The following ITGA11 variants were observed in gnomAD, a reference collection of about 807,000 sequenced individuals.
ITGA11 encodes integrin subunit alpha 11.
ITGA11 carries 97 observed loss-of-function variants against 141.9 expected under a neutral mutation model. The observed-to-expected ratio is 0.68, with a 90% CI of 0.58 to 0.81. The LOEUF (loss-of-function observed/expected upper bound fraction) is 0.81. Ranked by LOEUF, ITGA11 falls within the 30% of genes least tolerant of loss-of-function variation. The pLI is 0.00. For missense variants in ITGA11, 1,387 were observed against 1,559.2 expected, an observed-to-expected ratio of 0.89 and a Z score of 1.86; for synonymous variants, 658 against 624.6, an observed-to-expected ratio of 1.05 and a Z score of -0.80.
rs1892929922 is a variant in ITGA11 at position 68,297,321 on chromosome 15, T to C, written c.*5738A>G. ...GTGGCTAACTTTTTTCATTATTACG[T>C]GTTTATTTTTCCAGATGAAGTTTGG... is the stretch of plus-strand genomic sequence containing the variant. On this transcript the variant is annotated 3_prime_UTR_variant, in exon 30 of 30. Coordinates refer to ENST00000315757, the MANE Select transcript of ITGA11 (RefSeq NM_001004439.2). 6.6e-6 allele frequency: 1 copy of C among 152,076 alleles called. No homozygotes were observed. The highest frequency in any genetic ancestry group is 1.9e-4 in the East Asian group (1 of 5,194). 9.4% of individuals were successfully genotyped at this position (152,076 alleles called of 1,614,324 possible).
chr15:68,424,567 C>T (rs796481941), intron 1 of ITGA11, among the ~76,000 whole-genome samples: 5 of 152,324 alleles, frequency 3.3e-5, no homozygotes, highest in African/African-American at 1.2e-4. Context: ...TTCTCACCCT[C>T]ACCCAGGATG....
At chr15:68,370,658 G>C (rs939846466) in intron 2 of ITGA11, among the ~76,000 whole-genome samples, 1 of 152,232 alleles carries the variant, frequency 6.6e-6, no homozygotes, top group African/African-American at 2.4e-5. Flanking sequence ...GTGTGTGGGA[G>C]GGGACACCAC....
chr15:68,403,210 T>A (rs1896554199), intron 1 of ITGA11, among the ~76,000 whole-genome samples, 181 bp from the exon 2 acceptor site: 1 of 152,150 alleles, frequency 6.6e-6, no homozygotes, highest in South Asian at 2.1e-4. Flanking sequence ...CCTTGCCTGG[T>A]AGGGCCCACA....
At chr15:68,386,117 T>C (rs1448786995) in intron 2 of ITGA11, among the ~76,000 whole-genome samples, 2 of 152,140 alleles carry the variant, frequency 1.3e-5, no homozygotes, top group Non-Finnish European at 2.9e-5. Context: ...TAGAAGACAC[T>C]GTATCTATAG....
intron 1 of ITGA11, among the ~76,000 whole-genome samples, chr15:68,409,870 C>T (rs1383192517): frequency 6.6e-6 from 1 of 152,208 alleles, no homozygotes; most frequent in African/African-American, 2.4e-5. Flanking sequence ...GACTTTGAGG[C>T]CTCACGGGTC....
At position 68,308,481 on chromosome 15, in the gene ITGA11, C is replaced by T. The variant is rs146704433; in HGVS notation, c.3175-785G>A. 4.3e-3 allele frequency among the ~76,000 whole-genome samples: 656 copies of T among 152,300 alleles called. 17 individuals carry two copies. The East Asian group carries it at 0.071, about 17-fold the overall frequency. On this transcript the variant is annotated intron_variant, in intron 26 of 29. Coordinates refer to ENST00000315757, the MANE Select transcript of ITGA11 (RefSeq NM_001004439.2). This position sits in a 1 kb window ranked among gnomAD's most constrained non-coding sequence, Gnocchi z 5.2. ...AGAGGGCTGGGCATGGTGGCTCACG[C>T]CTGTAATCTCAGCACTTTGGGAGGC...
rs1389978604 is a variant in ITGA11 at position 68,333,582 on chromosome 15, C to T, written c.1426-1104G>A. ...CCCTGACTCCACCCTCCACCTCTCC[C>T]ACCCGTAAACCTGCCAGCAAGTGCT... On this transcript the variant is annotated intron_variant, in intron 12 of 29. Transcript: ENST00000315757. The surrounding 1 kb of genome is among the most constrained non-coding windows in gnomAD (Gnocchi z 4.2). 6.6e-6 allele frequency among the ~76,000 whole-genome samples: 1 copy of T among 152,128 alleles called. No homozygotes were observed. Among genetic ancestry groups the T allele is most frequent in the East Asian group, 1.9e-4 (1 of 5,182 alleles).
At chr15:68,368,616 G>C (rs1895497997) in intron 3 of ITGA11, among the ~76,000 whole-genome samples, 1 of 152,230 alleles carries the variant, frequency 6.6e-6, no homozygotes, top group South Asian at 2.1e-4. Context: ...GGTGGTTAAA[G>C]GGAGGCCATA....
At chr15:68,330,420 T>A (rs1894115698) in intron 15 of ITGA11, among the ~76,000 whole-genome samples, 1 of 152,128 alleles carries the variant, frequency 6.6e-6, no homozygotes, top group East Asian at 1.9e-4. Flanking sequence ...TTTATAAATG[T>A]TCTTTATGTT....
intron 2 of ITGA11, among the ~76,000 whole-genome samples, chr15:68,374,790 C>A (rs898535124): frequency 6.6e-6 from 1 of 152,260 alleles, no homozygotes; most frequent in African/African-American, 2.4e-5. Context: ...AATGTGGGTT[C>A]AATCCCCTCC....
chr15:68,393,191 C>G (rs1400951171), intron 2 of ITGA11, among the ~76,000 whole-genome samples: 2 of 151,878 alleles, frequency 1.3e-5, no homozygotes, highest in African/African-American at 4.8e-5. Flanking sequence ...AATTGTAGCA[C>G]AGCAAGAGAA....
chr15:68,330,519 A>T (rs2140301553), intron 15 of ITGA11, among the ~76,000 whole-genome samples: 1 of 151,400 alleles, frequency 6.6e-6, no homozygotes, highest in Non-Finnish European at 1.5e-5. Flanking sequence ...AGCAGCAAAC[A>T]TACGGTAAAA....
chr15:68,381,020 C>T (rs1483359835), intron 2 of ITGA11, among the ~76,000 whole-genome samples: 1 of 152,124 alleles, frequency 6.6e-6, no homozygotes, highest in Admixed American at 6.5e-5. Flanking sequence ...TTGGTCATCC[C>T]TCTTTGGATT....
At chr15:68,337,638 G>T (rs147652909) in intron 11 of ITGA11, among the ~76,000 whole-genome samples, 52 of 152,272 alleles carry the variant, frequency 3.4e-4, no homozygotes, top group Admixed American at 7.8e-4. Context: ...CCCTATCAGG[G>T]TCTTCTGGGA....
intron 1 of ITGA11, among the ~76,000 whole-genome samples, chr15:68,410,892 T>C (rs1896757865): frequency 6.6e-6 from 1 of 152,214 alleles, no homozygotes; most frequent in Non-Finnish European, 1.5e-5. Context: ...GGGAGCCCTC[T>C]GACTCTGGGG....
intron 1 of ITGA11, among the ~76,000 whole-genome samples, chr15:68,409,733 G>A (rs561404547): frequency 6.6e-6 from 1 of 152,212 alleles, no homozygotes; most frequent in East Asian, 1.9e-4. Context: ...TATTCTGAAT[G>A]TATTTAATGC....
At position 68,432,085 on chromosome 15, in the gene ITGA11, TGGGTCCGGTGTGCAGCGGCGGCG is replaced by T. The variant is rs1897282628; in HGVS notation, c.-42_-20del. 5 of 1,365,952 alleles carry T rather than the reference TGGGTCCGGTGTGCAGCGGCGGCG, an allele frequency of 3.7e-6. No individual in the cohort carries two copies. The highest frequency in any genetic ancestry group is 1.5e-5 in the African/African-American group (1 of 65,120). The allele number at this position is 1,365,952 out of a possible 1,614,324, so 84.6% of individuals were successfully genotyped here. A position where few individuals can be genotyped will look rare whatever the true frequency, so the allele number is the denominator to read the frequency against. ...GGTCCATGGCCCGCGGCACGGCGGC[TGGGTCCGGTGTGCAGCGGCGGCG>T]GGGGGCGGCAAGCCAGAGCGGCAGC... On this transcript the variant is annotated 5_prime_UTR_variant, in exon 1 of 30. Coordinates refer to ENST00000315757, the MANE Select transcript of ITGA11 (RefSeq NM_001004439.2).
chr15:68,417,064 G>A (rs535299202), intron 1 of ITGA11, among the ~76,000 whole-genome samples: 133 of 152,016 alleles, frequency 8.7e-4, no homozygotes, highest in African/African-American at 2.1e-3. Context: ...CTGTCTGAGC[G>A]AGTGTGTGGG....
rs548079592 is a variant in ITGA11 at position 68,415,766 on chromosome 15, G to C, written c.53-12737C>G. Among the ~76,000 whole-genome samples, 517 of 152,340 alleles carry C rather than the reference G, an allele frequency of 3.4e-3. 5 individuals are homozygous for C. Among genetic ancestry groups the C allele is most frequent in the African/African-American group, 0.01 (427 of 41,574 alleles). On this transcript the variant is annotated intron_variant, in intron 1 of 29. Transcript: ENST00000315757. ...AGAGAGCTCATGTGTGTCATGAGGG[G>C]CTGGGAGCCATCACTAGGTGAGTTC...
Sources: allele counts gnomAD v4.1 joint callset (sites outside exome capture counted in the v4.1 genomes callset), GRCh38; gene constraint gnomAD v4.1.1; non-coding constraint Gnocchi (gnomAD v3.1); transcripts MANE v1.5; gene names NCBI Gene and HGNC (gene_info 2026-07-23, HGNC 2026-07-21).